Variants in TBC1D32 observed in about 807,000 individuals in gnomAD.
The protein encoded by TBC1D32 is protein broad-minded.
In TBC1D32, 151 loss-of-function variants were observed where a neutral mutation model predicts 170.3. The observed-to-expected ratio is 0.89, with a 90% CI of 0.78 to 1.01. The LOEUF (loss-of-function observed/expected upper bound fraction) is 1.01. TBC1D32 is among the 50% of genes least tolerant of loss of function. The probability of loss-of-function intolerance (pLI) is 0.00; values close to 1 mark genes in which losing one functional copy is unlikely to be tolerated. For synonymous variants in TBC1D32, 498 were observed against 488.0 expected, an observed-to-expected ratio of 1.02 and a Z score of -0.27; for missense variants, 1,464 against 1,457.1, an observed-to-expected ratio of 1.00 and a Z score of -0.08.
At chr6:121,101,103 C>A (rs1170743415) in intron 30 of TBC1D32, among the ~76,000 whole-genome samples, 3 of 151,994 alleles carry the variant, frequency 2.0e-5, no homozygotes, top group Non-Finnish European at 4.4e-5. Flanking sequence ...TAATAGCTTA[C>A]CAACCAAAAA....
At chr6:121,092,277 TCTC>T (rs1201755255) in intron 30 of TBC1D32, among the ~76,000 whole-genome samples, 2 of 148,566 alleles carry the variant, frequency 1.3e-5, no homozygotes, top group Non-Finnish European at 3.0e-5. Flanking sequence ...GAATATCTCT[TCTC>T]CTTCAGTTTT....
chr6:121,331,198 TTTGTTGTTG>T (rs59446339), intron 1 of TBC1D32, among the ~76,000 whole-genome samples: 2 of 151,588 alleles, frequency 1.3e-5, no homozygotes, highest in African/African-American at 2.4e-5. Context: ...TTTTTGGTTT[TTTGTTGTTG>T]TTGTTGTTGT....
At chr6:121,288,133 G>A (rs1249610302) in intron 12 of TBC1D32, among the ~76,000 whole-genome samples, 2 of 151,976 alleles carry the variant, frequency 1.3e-5, no homozygotes, top group Non-Finnish European at 2.9e-5. Flanking sequence ...GCTAGCAGAA[G>A]GCAAGAAATA....
chr6:121,199,710 C>T (rs1361685328), intron 22 of TBC1D32, among the ~76,000 whole-genome samples: 2 of 150,838 alleles, frequency 1.3e-5, no homozygotes, highest in Non-Finnish European at 2.9e-5. Context: ...ATTCTAATTT[C>T]TGATATTAAA....
intron 20 of TBC1D32, among the ~76,000 whole-genome samples, chr6:121,229,380 G>C (rs778648654): frequency 1.2e-4 from 18 of 151,962 alleles, no homozygotes; most frequent in African/African-American, 1.9e-4. Flanking sequence ...CATTTCATCT[G>C]TTGACAAGCT....
At chr6:121,323,283 C>T (rs1810003394) in intron 1 of TBC1D32, among the ~76,000 whole-genome samples, 1 of 143,794 alleles carries the variant, frequency 7.0e-6, no homozygotes, top group Non-Finnish European at 1.6e-5. Context: ...CTGCAGCAGC[C>T]TTCTTGTTTA....
At chr6:121,121,688 A>C (rs1258450145) in intron 26 of TBC1D32, among the ~76,000 whole-genome samples, 1 of 152,054 alleles carries the variant, frequency 6.6e-6, no homozygotes, top group East Asian at 1.9e-4. Flanking sequence ...ACTAATTGAC[A>C]CATTTTATAA....
At chr6:121,270,722 A>G (rs1170199990) in intron 15 of TBC1D32, among the ~76,000 whole-genome samples, 1 of 152,168 alleles carries the variant, frequency 6.6e-6, no homozygotes, top group Non-Finnish European at 1.5e-5. Context: ...AACTATTCCA[A>G]TCAATAGAAA....
At chr6:121,291,129 C>A (rs1325649470) in intron 12 of TBC1D32, among the ~76,000 whole-genome samples, 1 of 151,456 alleles carries the variant, frequency 6.6e-6, no homozygotes, top group Non-Finnish European at 1.5e-5. Context: ...TGCACATGTA[C>A]CCTAAAACTT....
Position 121,113,114 on chromosome 6 carries a change from C to T in TBC1D32, c.3117G>A (p.Lys1039=), listed in dbSNP as rs1409766849. 1.2e-6 allele frequency: 2 copies of T among 1,611,310 alleles called. No individual in the cohort carries two copies. The highest frequency in any genetic ancestry group is 1.7e-6 in the Non-Finnish European group (2 of 1,178,752). ...GAENDLTWVL[K]HCERFLKQQQ... is the part of the protein sequence containing the mutation. ...GCTGTTTCAGGAATCTCTCACAATG[C>T]TTTAAAACCCAGGTAAGATCATTTT... The change falls in exon 28 of 32, where the codon AAG becomes AAA. Residue 1039 remains lysine, a synonymous_variant. Coordinates refer to ENST00000398212, the MANE Select transcript of TBC1D32 (RefSeq NM_152730.6).
intron 17 of TBC1D32, among the ~76,000 whole-genome samples, chr6:121,244,591 C>T (rs111389355): frequency 4.6e-5 from 7 of 152,232 alleles, no homozygotes; most frequent in African/African-American, 1.7e-4. Flanking sequence ...TATGATTTGT[C>T]ACTTTTTCAT....
At chr6:121,085,196 TACATATATATAC>T (rs201256572) in intron 31 of TBC1D32, among the ~76,000 whole-genome samples, 5,958 of 147,880 alleles carry the variant, frequency 0.04, 355 homozygotes, top group African/African-American at 0.12. Flanking sequence ...TGTTGTGTCT[TACATATATATAC>T]ACATATATAT....
At chr6:121,140,816 T>A (rs1309027217) in intron 24 of TBC1D32, among the ~76,000 whole-genome samples, 1 of 152,114 alleles carries the variant, frequency 6.6e-6, no homozygotes, top group Non-Finnish European at 1.5e-5. Flanking sequence ...ACTTCATGAA[T>A]AATATATATG....
intron 5 of TBC1D32, among the ~76,000 whole-genome samples, chr6:121,307,090 C>T (rs1807428113): frequency 6.6e-6 from 1 of 151,852 alleles, no homozygotes; most frequent in Admixed American, 6.6e-5. Context: ...AAAGCAATGA[C>T]ACAGCCAGGC....
chr6:121,161,212 T>C (rs1221112056), intron 22 of TBC1D32, among the ~76,000 whole-genome samples, 156 bp from the exon 23 acceptor site: 1 of 152,200 alleles, frequency 6.6e-6, no homozygotes, highest in Non-Finnish European at 1.5e-5. Flanking sequence ...TTTTATTAAG[T>C]TCAGGGTACC....
At chr6:121,266,139 C>A (rs549912322) in intron 15 of TBC1D32, among the ~76,000 whole-genome samples, 6 of 152,226 alleles carry the variant, frequency 3.9e-5, no homozygotes, top group African/African-American at 1.2e-4. Flanking sequence ...AACAGGCAAC[C>A]TGCAGAATGG....
Position 121,084,301 on chromosome 6 carries a change from A to G in TBC1D32, c.3655-3411T>C, listed in dbSNP as rs192465772. Among the ~76,000 whole-genome samples, 680 of 152,292 alleles carry G rather than the reference A, an allele frequency of 4.5e-3. 4 individuals carry two copies. The highest frequency in any genetic ancestry group is 0.017 in the Middle Eastern group (5 of 294). ...CGGTTGTTCCACAATAAATAGGTTAATAAGTCCATGAGTGAATGAGCAATA... is the reference window on the plus strand; with the variant it reads ...CGGTTGTTCCACAATAAATAGGTTAGTAAGTCCATGAGTGAATGAGCAATA... On this transcript the variant is annotated intron_variant, in intron 31 of 31. Coordinates refer to ENST00000398212, the MANE Select transcript of TBC1D32 (RefSeq NM_152730.6).
At position 121,242,221 on chromosome 6, in the gene TBC1D32, G is replaced by C; in HGVS notation, c.2137C>G (p.Arg713Gly). Residue 713 changes from arginine (R) to glycine (G), a missense_variant, in exon 18 of 32, where the codon CGA becomes GGA. Arg to Gly is a moderately radical substitution (Grantham distance 125). Transcript: ENST00000398212. Reference sequence around the variant, plus strand: ...CATACCTGTAATTTTTTTGCATATCGATTGAATATAAATGTCACACATTCA... The same window carrying C: ...CATACCTGTAATTTTTTTGCATATCCATTGAATATAAATGTCACACATTCA... The part of the protein sequence containing the change: ...INECVTFIFN[R>G]YAKKLQVSRH... The C allele has an allele frequency of 6.2e-7, 1 of 1,609,862 alleles. No homozygotes were observed. The highest frequency in any genetic ancestry group is 8.5e-7 in the Non-Finnish European group (1 of 1,178,470).
chr6:121,106,824 T>C (rs1293785639), intron 29 of TBC1D32, among the ~76,000 whole-genome samples: 2 of 151,988 alleles, frequency 1.3e-5, no homozygotes, highest in African/African-American at 4.8e-5. Context: ...TACTTATATA[T>C]ATGTGAATAT....
Sources: gnomAD v4.1 joint callset for allele counts (sites outside exome capture counted in the v4.1 genomes callset) on GRCh38, gnomAD v4.1.1 for gene constraint, MANE v1.5 for transcripts, NCBI Gene and HGNC (gene_info 2026-07-23, HGNC 2026-07-21) for gene names.